Variants in TSHZ3 observed in about 807,000 individuals in gnomAD.
TSHZ3 encodes teashirt zinc finger homeobox 3.
A neutral mutation model predicts 64.5 loss-of-function variants in TSHZ3; 10 were observed. The ratio of observed to expected loss-of-function variants is 0.16; its 90% CI spans 0.10 to 0.26. The LOEUF is 0.26. Ranked by LOEUF, TSHZ3 falls within the 10% of genes least tolerant of loss-of-function variation. The pLI, the probability that TSHZ3 is intolerant of heterozygous loss-of-function variation, is 1.00. For missense variants in TSHZ3, 1,242 were observed against 1,421.7 expected (o/e 0.87, Z 2.03); for synonymous variants, 608 against 593.1 (o/e 1.03, Z -0.36).
chr19:31,179,014 C>CTGATGATGATGATGATGATGA (rs760717001), intron 5 of TSHZ3, among the ~76,000 whole-genome samples: 6 of 112,086 alleles, frequency 5.4e-5, no homozygotes, highest in East Asian at 2.4e-4. Flanking sequence ...GCAGAAGGCA[C>CTGATGATGATGATGATGATGA]TGATGATGAT....
At chr19:31,228,445 G>A (rs1164311559) in intron 3 of TSHZ3, among the ~76,000 whole-genome samples, 1 of 150,606 alleles carries the variant, frequency 6.6e-6, no homozygotes, top group Non-Finnish European at 1.5e-5. Flanking sequence ...AGGATCACAT[G>A]AGCCCCGGAG....
At chr19:31,266,008 A>G (rs887141166) in intron 1 of TSHZ3, among the ~76,000 whole-genome samples, 5 of 152,110 alleles carry the variant, frequency 3.3e-5, no homozygotes, top group Non-Finnish European at 7.4e-5. Context: ...GCATCTTGAC[A>G]AGCACCCCTG....
At chr19:31,321,000 C>A (rs566434533) in intron 1 of TSHZ3, among the ~76,000 whole-genome samples, 1 of 152,344 alleles carries the variant, frequency 6.6e-6, no homozygotes, top group South Asian at 2.1e-4. Context: ...CCATCGTCCA[C>A]AGAAGATCTG....
intron 1 of TSHZ3, among the ~76,000 whole-genome samples, chr19:31,340,336 T>TAC (rs1439224913): frequency 2.1e-4 from 2 of 9,484 alleles, no homozygotes; most frequent in African/African-American, 1.0e-3. Context: ...AGGCCTACAG[T>TAC]ACAAAAAAAA....
Position 31,277,696 on chromosome 19 carries a change from G to A in TSHZ3, c.2097C>T (p.Ala699=). 6.5e-7 allele frequency: 1 copy of A among 1,527,312 alleles called. No homozygotes were observed. The highest frequency in any genetic ancestry group is 2.3e-5 in the East Asian group (1 of 44,186). 94.6% of individuals were successfully genotyped at this position (1,527,312 alleles called of 1,614,324 possible). The change falls in exon 2 of 2, where the codon GCC becomes GCT. Residue 699 remains alanine, a synonymous_variant. Coordinates refer to ENST00000240587, the MANE Select transcript of TSHZ3 (RefSeq NM_020856.4). The surrounding 1 kb of genome is among the most constrained non-coding windows in gnomAD (Gnocchi z 4.5). ...ENGKELVKPL[A]SSLSGSTAII... ...TGGCCGTGCTGCCACTCAAACTGCT[G>A]GCTAGGGGCTTCACCAGCTCCTTGC...
intron 4 of TSHZ3, among the ~76,000 whole-genome samples, chr19:31,209,046 A>G (rs1430900306): frequency 6.6e-6 from 1 of 152,136 alleles, no homozygotes; most frequent in Admixed American, 6.5e-5. Flanking sequence ...GATCTCAAGA[A>G]TGACCCCAGT....
At chr19:31,311,019 GC>G (rs1292848037) in intron 1 of TSHZ3, among the ~76,000 whole-genome samples, 4 of 152,294 alleles carry the variant, frequency 2.6e-5, no homozygotes, top group Admixed American at 2.0e-4. Flanking sequence ...TCCTGCCTGT[GC>G]CATCAGCTCA....
chr19:31,307,541 C>G (rs917921948), intron 1 of TSHZ3, among the ~76,000 whole-genome samples: 2 of 152,174 alleles, frequency 1.3e-5, no homozygotes, highest in African/African-American at 4.8e-5. Context: ...AATAAAACCG[C>G]GTGATGAATG....
chr19:31,155,193 C>T (rs887373006), intron 6 of TSHZ3, among the ~76,000 whole-genome samples: 1 of 152,210 alleles, frequency 6.6e-6, no homozygotes, highest in African/African-American at 2.4e-5. Flanking sequence ...AATCTGGCCT[C>T]ATCTAGACGT....
chr19:31,165,020 T>C (rs1261430084), intron 5 of TSHZ3, among the ~76,000 whole-genome samples: 1 of 152,192 alleles, frequency 6.6e-6, no homozygotes, highest in Non-Finnish European at 1.5e-5. Flanking sequence ...GTCCCGGGGA[T>C]GATGCCAGGG....
At chr19:31,334,445 G>T (rs568353930) in intron 1 of TSHZ3, among the ~76,000 whole-genome samples, 1 of 152,094 alleles carries the variant, frequency 6.6e-6, no homozygotes, top group Admixed American at 6.6e-5. Context: ...AATAACAATT[G>T]CGTCTTATGC....
intron 1 of TSHZ3, among the ~76,000 whole-genome samples, chr19:31,256,109 G>T (rs1309665920): frequency 1.3e-5 from 2 of 152,056 alleles, no homozygotes; most frequent in African/African-American, 4.8e-5. Context: ...CCCTCCCCGA[G>T]GCTCACTTTC....
intron 5 of TSHZ3, among the ~76,000 whole-genome samples, chr19:31,182,562 C>T (rs937353982): frequency 6.6e-6 from 1 of 152,136 alleles, no homozygotes; most frequent in Non-Finnish European, 1.5e-5. Flanking sequence ...AACCTCATTC[C>T]AAGTGCTTCT....
chr19:31,265,890 A>G, intron 1 of TSHZ3, among the ~76,000 whole-genome samples: 1 of 152,330 alleles, frequency 6.6e-6, no homozygotes, highest in Non-Finnish European at 1.5e-5. Flanking sequence ...TGGTGACATC[A>G]CTGAGCACCC....
At chr19:31,294,294 G>A (rs1462319033) in intron 1 of TSHZ3, among the ~76,000 whole-genome samples, 1 of 151,956 alleles carries the variant, frequency 6.6e-6, no homozygotes, top group African/African-American at 2.4e-5. Context: ...TCTCATCCAG[G>A]ACTCAGCCAG....
intron 4 of TSHZ3, among the ~76,000 whole-genome samples, chr19:31,206,776 A>C (rs1157838062): frequency 6.6e-6 from 1 of 152,252 alleles, no homozygotes; most frequent in Non-Finnish European, 1.5e-5. Context: ...TAACACAGAC[A>C]AAATGGCTAT....
intron 1 of TSHZ3, among the ~76,000 whole-genome samples, chr19:31,284,891 T>C (rs1377464816): frequency 6.6e-6 from 1 of 152,206 alleles, no homozygotes; most frequent in African/African-American, 2.4e-5. Flanking sequence ...ATGAATATCA[T>C]AGACAGCTGC....
chr19:31,310,606 G>A (rs954358320), intron 1 of TSHZ3, among the ~76,000 whole-genome samples: 7 of 152,132 alleles, frequency 4.6e-5, no homozygotes, highest in African/African-American at 1.7e-4. Flanking sequence ...GGAAAGGGGT[G>A]GGCAGAGTGC....
intron 5 of TSHZ3, among the ~76,000 whole-genome samples, chr19:31,169,252 T>C (rs765899612): frequency 1.3e-5 from 2 of 152,114 alleles, no homozygotes; most frequent in Non-Finnish European, 2.9e-5. Context: ...AAACATAGAA[T>C]AACCATATGA....
Sources: gnomAD v4.1 joint callset for allele counts (sites outside exome capture counted in the v4.1 genomes callset) on GRCh38, gnomAD v4.1.1 for gene constraint, Gnocchi (gnomAD v3.1) non-coding constraint, MANE v1.5 for transcripts, NCBI Gene and HGNC (gene_info 2026-07-23, HGNC 2026-07-21) for gene names.